DLGAP2: variants seen among roughly 807,000 people sequenced by gnomAD.
DLGAP2 encodes the protein DLG associated protein 2.
A neutral mutation model predicts 100.3 loss-of-function variants in DLGAP2; 26 were observed. The ratio of observed to expected loss-of-function variants is 0.26; its 90% confidence interval spans 0.19 to 0.36. DLGAP2 has a LOEUF of 0.36. Among genes scored for constraint, DLGAP2 ranks in the 10% least tolerant of loss-of-function variants. DLGAP2 has a pLI of 1.00. For synonymous variants in DLGAP2, 886 were observed against 630.1 expected (o/e 1.41, Z -6.08); for missense variants, 1,858 against 1,453.2 (o/e 1.28, Z -4.53).
intron 3 of DLGAP2, among the ~76,000 whole-genome samples, chr8:1,442,664 G>A (rs1273729306): frequency 6.8e-6 from 1 of 147,088 alleles, no homozygotes; most frequent in Non-Finnish European, 1.5e-5. Context: ...GACGGATCCG[G>A]GCATAGACCC....
At chr8:1,309,348 C>T (rs1400066518) in intron 3 of DLGAP2, among the ~76,000 whole-genome samples, 1 of 152,022 alleles carries the variant, frequency 6.6e-6, no homozygotes, top group South Asian at 2.1e-4. Context: ...CCAAAAGCAG[C>T]AGAAGAGAAG....
intron 4 of DLGAP2, among the ~76,000 whole-genome samples, chr8:1,512,853 A>G (rs1800218757): frequency 1.3e-5 from 2 of 152,228 alleles, no homozygotes; most frequent in Admixed American, 1.3e-4. Flanking sequence ...TGTCTTCCGA[A>G]TGACCCTGAT....
intron 1 of DLGAP2, among the ~76,000 whole-genome samples, chr8:761,221 C>G (rs886836790): frequency 2.6e-5 from 4 of 152,168 alleles, no homozygotes; most frequent in Non-Finnish European, 5.9e-5. Flanking sequence ...CCCTTCCTCT[C>G]CAGTTCCCAG....
chr8:1,188,594 C>G (rs1034090561), intron 2 of DLGAP2, among the ~76,000 whole-genome samples: 1 of 152,012 alleles, frequency 6.6e-6, no homozygotes, highest in Non-Finnish European at 1.5e-5. Context: ...CTCACACACC[C>G]GGGACGTCCG....
intron 6 of DLGAP2, among the ~76,000 whole-genome samples, chr8:1,574,783 C>A (rs893794697): frequency 9.2e-5 from 14 of 152,220 alleles, no homozygotes; most frequent in Admixed American, 6.5e-5. Context: ...TATGGTTCAA[C>A]CTGATCATTC....
At chr8:1,333,984 C>T (rs764410456) in intron 3 of DLGAP2, among the ~76,000 whole-genome samples, 12 of 152,222 alleles carry the variant, frequency 7.9e-5, no homozygotes, top group African/African-American at 1.2e-4. Context: ...CCACGTGCTC[C>T]GCAACTGAGG....
At chr8:1,554,984 G>C (rs1313737646) in intron 5 of DLGAP2, among the ~76,000 whole-genome samples, 1 of 152,190 alleles carries the variant, frequency 6.6e-6, no homozygotes, top group African/African-American at 2.4e-5. Flanking sequence ...GTGCTCAGCA[G>C]AATGAAAGAA....
Position 1,296,213 on chromosome 8 carries a change from C to T in DLGAP2, c.106+37330C>T, listed in dbSNP as rs904002282. 3.3e-5 allele frequency: 5 copies of T among 151,986 alleles called. No individual in the cohort carries two copies. The East Asian group carries it at 7.7e-4, about 24-fold the overall frequency. The allele number at this position is 151,986 out of a possible 1,614,324, so 9.4% of individuals were successfully genotyped here. A position where few individuals can be genotyped will look rare whatever the true frequency, so the allele number is the denominator to read the frequency against. ...CAGGTGGGCTGAGACCCTTGATGAC[C>T]GAGAGGTTAGAAATCAAGGACATAA... On this transcript the variant is annotated intron_variant, in intron 3 of 14. Transcript: ENST00000637795.
chr8:888,271 G>A (rs538460472), intron 1 of DLGAP2, among the ~76,000 whole-genome samples: 1 of 152,278 alleles, frequency 6.6e-6, no homozygotes, highest in East Asian at 1.9e-4. Context: ...ATTCTAGTTA[G>A]CAATTCCTCT....
At chr8:891,445 G>A (rs772275770) in intron 1 of DLGAP2, 3 of 152,398 alleles carry the variant, frequency 2.0e-5, no homozygotes, top group African/African-American at 7.2e-5. Flanking sequence ...CCTGCGGTCG[G>A]AAGCTGTTCT....
At chr8:1,302,158 T>G (rs181444841) in intron 3 of DLGAP2, 3 of 152,248 alleles carry the variant, frequency 2.0e-5, no homozygotes, top group African/African-American at 7.2e-5. Flanking sequence ...CGGCATTTTC[T>G]GTGAGTTCCC....
chr8:1,335,233 G>A (rs191448306), intron 3 of DLGAP2, among the ~76,000 whole-genome samples: 2 of 152,300 alleles, frequency 1.3e-5, no homozygotes, highest in South Asian at 2.1e-4. Context: ...AGGAGGCTTC[G>A]AGCTCCAAAC....
chr8:1,650,350 T>C (rs1798134590), intron 8 of DLGAP2, among the ~76,000 whole-genome samples: 1 of 152,210 alleles, frequency 6.6e-6, no homozygotes, highest in African/African-American at 2.4e-5. Flanking sequence ...TTATCAGTGT[T>C]GGATGATTAT....
At chr8:1,458,117 A>G (rs932116119) in intron 3 of DLGAP2, among the ~76,000 whole-genome samples, 14 of 150,592 alleles carry the variant, frequency 9.3e-5, no homozygotes, top group Non-Finnish European at 1.9e-4. Context: ...CATGTTGGCC[A>G]GGATGGTCTT....
chr8:876,800 G>C (rs1392317711), intron 1 of DLGAP2, among the ~76,000 whole-genome samples: 1 of 152,064 alleles, frequency 6.6e-6, no homozygotes, highest in Non-Finnish European at 1.5e-5. Flanking sequence ...CTATGCTTCT[G>C]AGCTCCTTCA....
intron 1 of DLGAP2, among the ~76,000 whole-genome samples, chr8:752,761 G>A (rs539750697): frequency 9.6e-4 from 146 of 152,280 alleles, no homozygotes; most frequent in Middle Eastern, 3.4e-3. Context: ...GTGACGGGAT[G>A]CTGTGCCTTC....
intron 3 of DLGAP2, among the ~76,000 whole-genome samples, chr8:1,324,619 C>G (rs1278402358): frequency 6.6e-6 from 1 of 152,180 alleles, no homozygotes; most frequent in Non-Finnish European, 1.5e-5. Context: ...AATGTAAGGA[C>G]AAGTGTTATC....
chr8:1,529,320 C>A (rs1800904963), intron 4 of DLGAP2, among the ~76,000 whole-genome samples: 1 of 152,182 alleles, frequency 6.6e-6, no homozygotes, highest in Non-Finnish European at 1.5e-5. Context: ...TCCACTTGGT[C>A]TCTCCCTTGA....
chr8:1,343,123 G>A (rs17754574), intron 3 of DLGAP2, among the ~76,000 whole-genome samples: 14,199 of 152,220 alleles, frequency 0.093, 946 homozygotes, highest in East Asian at 0.34. Context: ...TTCACCAAGC[G>A]TGCAGAAGTC....
Sources: allele counts gnomAD v4.1 joint callset (sites outside exome capture counted in the v4.1 genomes callset), GRCh38; gene constraint gnomAD v4.1.1; transcripts MANE v1.5; gene names NCBI Gene and HGNC (gene_info 2026-07-23, HGNC 2026-07-21).